IL17RD: variants seen among roughly 807,000 people sequenced by gnomAD.
IL17RD encodes interleukin 17 receptor D, also known as interleukin-17 receptor D.
Under a neutral mutation model 80.5 loss-of-function variants are expected in IL17RD, and 52 were observed. The observed-to-expected ratio is 0.65, with a 90% confidence interval of 0.52 to 0.81. IL17RD has a LOEUF of 0.81. IL17RD is among the 40% of genes least tolerant of loss of function. The pLI, the probability that IL17RD is intolerant of heterozygous loss-of-function variation, is 0.00. For synonymous variants in IL17RD, 416 were observed against 391.8 expected, an observed-to-expected ratio of 1.06 and a Z score of -0.73; for missense variants, 1,024 against 955.1, an observed-to-expected ratio of 1.07 and a Z score of -0.95.
chr3:57,141,671 T>C (rs1463879686), intron 1 of IL17RD, among the ~76,000 whole-genome samples: 2 of 152,150 alleles, frequency 1.3e-5, no homozygotes, highest in Non-Finnish European at 2.9e-5. Flanking sequence ...TAAACATTTC[T>C]GGGAGGAAAA....
intron 1 of IL17RD, among the ~76,000 whole-genome samples, chr3:57,130,701 G>A (rs1392988782): frequency 6.6e-6 from 1 of 152,154 alleles, no homozygotes; most frequent in East Asian, 1.9e-4. Context: ...GACACTCACG[G>A]TGTTACCTCC....
intron 9 of IL17RD, 81 bp downstream of exon 9, chr3:57,103,010 G>A (rs1325384608): frequency 5.0e-6 from 5 of 1,006,744 alleles, no homozygotes; most frequent in Middle Eastern, 4.2e-4. Flanking sequence ...TTTTGTTTCT[G>A]TAAATCATGA....
intron 5 of IL17RD, among the ~76,000 whole-genome samples, chr3:57,107,879 AT>A (rs1372331467): frequency 6.6e-6 from 1 of 152,122 alleles, no homozygotes; most frequent in Non-Finnish European, 1.5e-5. Flanking sequence ...TGGAGTTAAT[AT>A]TTGGAATGCC....
Position 57,091,996 on chromosome 3 carries a change from T to C in IL17RD, c.*4397A>G, listed in dbSNP as rs1706565397. The C allele has an allele frequency of 6.6e-6, 1 of 152,556 alleles. No individual in the cohort carries two copies. The highest frequency in any genetic ancestry group is 1.5e-5 in the Non-Finnish European group (1 of 68,044). The allele number at this position is 152,556 out of a possible 1,614,324, so 9.5% of individuals were successfully genotyped here. A position where few individuals can be genotyped will look rare whatever the true frequency, so the allele number is the denominator to read the frequency against. ...CTCTGAGCCTGGAAAGGAGGTGATATGGCAAGGATGACCCAACACCCCATT... is the reference window on the plus strand; with the variant it reads ...CTCTGAGCCTGGAAAGGAGGTGATACGGCAAGGATGACCCAACACCCCATT... On this transcript the variant is annotated 3_prime_UTR_variant, in exon 13 of 13. Transcript: ENST00000296318.
chr3:57,117,726 T>C (rs754610668), intron 2 of IL17RD, among the ~76,000 whole-genome samples: 8 of 152,210 alleles, frequency 5.3e-5, no homozygotes, highest in Admixed American at 3.3e-4. Flanking sequence ...GACAGAAATA[T>C]CTTTTTCAAT....
At chr3:57,117,525 TA>T (rs1007636065) in intron 2 of IL17RD, among the ~76,000 whole-genome samples, 1 of 152,240 alleles carries the variant, frequency 6.6e-6, no homozygotes, top group African/African-American at 2.4e-5. Flanking sequence ...GAGAGACTTA[TA>T]AAATTTAATT....
rs1483150289 is a variant in IL17RD, at chr3:57,104,337, C to A, written c.813+5G>T. 1.9e-6 allele frequency: 3 copies of A among 1,594,136 alleles called. No homozygotes were observed. The highest frequency in any genetic ancestry group is 2.6e-6 in the Non-Finnish European group (3 of 1,163,766). ...ATTAATAGGGCTTTCTTGTGTTATG[C>A]ATACCTCAATTATATAATCCCCTGG... On this transcript the variant is annotated splice_donor_5th_base_variant and intron_variant, in intron 8 of 12. Coordinates refer to ENST00000296318, the MANE Select transcript of IL17RD (RefSeq NM_017563.5).
rs756202751 is a variant in IL17RD, at chr3:57,147,023, G to C, written c.126+18138C>G. Among the ~76,000 whole-genome samples the C allele has an allele frequency of 9.6e-4, 136 of 141,586 alleles. 1 individual carries two copies. Among genetic ancestry groups the C allele is most frequent in the Non-Finnish European group, 8.6e-4 (57 of 65,926 alleles). The allele number at this position is 141,586 out of a possible 152,430, so 92.9% of individuals were successfully genotyped here. A position where few individuals can be genotyped will look rare whatever the true frequency, so the allele number is the denominator to read the frequency against. On this transcript the variant is annotated intron_variant, in intron 1 of 12. Coordinates refer to ENST00000296318, the MANE Select transcript of IL17RD (RefSeq NM_017563.5). ...TTTTTTTTTTTGTATTTTTAGTAGA[G>C]ACAGGGTTTCACCACATTGGCCAAG...
chr3:57,127,338 A>T (rs1559477138), intron 1 of IL17RD, among the ~76,000 whole-genome samples: 1,859 of 86,838 alleles, frequency 0.021, 201 homozygotes, highest in East Asian at 0.085. Context: ...ATATATATAA[A>T]AATATATATA....
chr3:57,156,004 T>G (rs1452981714), intron 1 of IL17RD, among the ~76,000 whole-genome samples: 1 of 152,192 alleles, frequency 6.6e-6, no homozygotes, highest in Non-Finnish European at 1.5e-5. Flanking sequence ...TTTAATTTCC[T>G]GTAGAGTGCT....
At position 57,092,737 on chromosome 3, in the gene IL17RD, C is replaced by T. The variant is rs1205895700; in HGVS notation, c.*3656G>A. On this transcript the variant is annotated 3_prime_UTR_variant, in exon 13 of 13. Transcript: ENST00000296318. ...GACATGTCCAGTGCATTCAGAATCA[C>T]GTCAAATTTCTTTGCGGGGGAGACT... 3 of 152,180 alleles carry T rather than the reference C, an allele frequency of 2.0e-5. No individual in the cohort carries two copies. Among genetic ancestry groups the T allele is most frequent in the East Asian group, 1.9e-4 (1 of 5,194 alleles). The allele number at this position is 152,180 out of a possible 1,614,324, so 9.4% of individuals were successfully genotyped here.
chr3:57,096,295 G>T lies in IL17RD; in HGVS notation c.*98C>A. 1.2e-6 allele frequency: 1 copy of T among 810,136 alleles called. No individual in the cohort carries two copies. Among genetic ancestry groups the T allele is most frequent in the South Asian group, 1.4e-5 (1 of 71,750 alleles). 50.2% of individuals were successfully genotyped at this position (810,136 alleles called of 1,614,324 possible). On this transcript the variant is annotated 3_prime_UTR_variant, in exon 13 of 13. Transcript: ENST00000296318. ...TTTCACTCCAAATATCCTTGTATGA[G>T]ACCTCAGCTCCAAGTGGGCCATGCA...
Position 57,098,425 on chromosome 3 carries a change from C to A in IL17RD, c.1278G>T (p.Met426Ile), listed in dbSNP as rs748005817. ...QFIIVVCSKG[M>I]KYFVDKKNYK... is the part of the protein sequence containing the mutation. ...AGTTCTTCTTGTCCACAAAGTACTT[C>A]ATACCTTTGGAACAAACCACAATGA... Residue 426 changes from methionine (M) to isoleucine (I), a missense_variant, in exon 12 of 13, where the codon ATG becomes ATT. Met to Ile is a conservative substitution (Grantham distance 10). Transcript: ENST00000296318. 1 of 1,614,004 alleles carries A rather than the reference C, an allele frequency of 6.2e-7. No homozygotes were observed. Among genetic ancestry groups the A allele is most frequent in the East Asian group, 2.2e-5 (1 of 44,878 alleles).
intron 1 of IL17RD, among the ~76,000 whole-genome samples, chr3:57,131,960 C>T (rs1707618280): frequency 6.6e-6 from 1 of 151,702 alleles, no homozygotes; most frequent in South Asian, 2.1e-4. Context: ...CGGAGGCCAG[C>T]GGATTGCTTG....
At chr3:57,143,354 C>T (rs181751566) in intron 1 of IL17RD, among the ~76,000 whole-genome samples, 1 of 152,198 alleles carries the variant, frequency 6.6e-6, no homozygotes, top group African/African-American at 2.4e-5. Context: ...ACAATCTCAA[C>T]AAAGGCTACG....
At chr3:57,123,993 C>T (rs1439661795) in intron 1 of IL17RD, among the ~76,000 whole-genome samples, 2 of 152,090 alleles carry the variant, frequency 1.3e-5, no homozygotes, top group African/African-American at 2.4e-5. Context: ...TGCAGTGAGC[C>T]GAGATCGCGC....
At chr3:57,165,447 G>T, upstream of IL17RD, 1 of 449,244 alleles carries the variant, frequency 2.2e-6, no homozygotes, top group Non-Finnish European at 3.2e-6. Flanking sequence ...CAGTCCTCGT[G>T]TGCTGGCCCC....
At chr3:57,112,526 T>C (rs555876151) in intron 3 of IL17RD, among the ~76,000 whole-genome samples, 1 of 152,268 alleles carries the variant, frequency 6.6e-6, no homozygotes, top group African/African-American at 2.4e-5. Context: ...ATGTTCAGTT[T>C]TCCTGTCACC....
intron 1 of IL17RD, among the ~76,000 whole-genome samples, chr3:57,154,219 G>C (rs1298282983): frequency 6.7e-6 from 1 of 149,360 alleles, no homozygotes; most frequent in Non-Finnish European, 1.5e-5. Flanking sequence ...ACTGCACTTC[G>C]GCCTGAGTGA....
Sources: gnomAD v4.1 joint callset for allele counts (sites outside exome capture counted in the v4.1 genomes callset) on GRCh38, gnomAD v4.1.1 for gene constraint, MANE v1.5 for transcripts, NCBI Gene and HGNC (gene_info 2026-07-23, HGNC 2026-07-21) for gene names.